The following PLPPR4 variants were observed in gnomAD, a reference collection of about 807,000 sequenced individuals.
PLPPR4 encodes the protein phospholipid phosphatase-related protein type 4.
A neutral mutation model predicts 56.6 loss-of-function variants in PLPPR4; 24 were observed. That is an observed-to-expected ratio of 0.42 (90% CI 0.31 to 0.60). The LOEUF (loss-of-function observed/expected upper bound fraction) is 0.60, where lower values mean the gene tolerates loss of function less well. PLPPR4 is among the 20% of genes least tolerant of loss of function. The pLI, the probability that PLPPR4 is intolerant of heterozygous loss-of-function variation, is 0.13. For synonymous variants in PLPPR4, 326 were observed against 328.1 expected, an observed-to-expected ratio of 0.99 and a Z score of 0.07; for missense variants, 654 against 885.8, an observed-to-expected ratio of 0.74 and a Z score of 3.32.
intron 1 of PLPPR4, among the ~76,000 whole-genome samples, chr1:99,276,137 C>T (rs1659180936): frequency 6.6e-6 from 1 of 152,122 alleles, no homozygotes; most frequent in Admixed American, 6.6e-5. Context: ...TAACTAAGGC[C>T]TTCAGCAGCA....
chr1:99,270,798 T>G (rs1659038264), intron 1 of PLPPR4, among the ~76,000 whole-genome samples: 1 of 152,248 alleles, frequency 6.6e-6, no homozygotes, highest in East Asian at 1.9e-4. Context: ...TTCTCTAGAT[T>G]GTATAGAAGT....
intron 1 of PLPPR4, among the ~76,000 whole-genome samples, chr1:99,273,654 T>C (rs1327056388): frequency 1.3e-5 from 2 of 152,130 alleles, no homozygotes; most frequent in African/African-American, 4.8e-5. Context: ...CAACAATTTA[T>C]TTATGTGTTG....
chr1:99,264,923 T>A (rs1658852320), intron 1 of PLPPR4, among the ~76,000 whole-genome samples: 1 of 152,106 alleles, frequency 6.6e-6, no homozygotes, highest in Non-Finnish European at 1.5e-5. Context: ...GATACCTGTG[T>A]GAGTGAGTGT....
At chr1:99,278,611 G>A (rs1308023773) in intron 1 of PLPPR4, among the ~76,000 whole-genome samples, 1 of 152,102 alleles carries the variant, frequency 6.6e-6, no homozygotes, top group African/African-American at 2.4e-5. Flanking sequence ...CCAAGACAAT[G>A]CACATTCTTC....
chr1:99,288,203 C>A, intron 2 of PLPPR4, 53 bp downstream of exon 2: 1 of 1,512,722 alleles, frequency 6.6e-7, no homozygotes, highest in Non-Finnish European at 9.0e-7. Flanking sequence ...CTAAAAATCA[C>A]CACATTTGTA....
At chr1:99,269,997 TTGTGTGTGTGTGTGTG>T (rs10612152) in intron 1 of PLPPR4, among the ~76,000 whole-genome samples, 256 of 134,562 alleles carry the variant, frequency 1.9e-3, no homozygotes, top group African/African-American at 6.1e-3. Flanking sequence ...TTCATTCCTT[TTGTGTGTGTGTGTGTG>T]TGTGTGTGTG....
At chr1:99,272,824 CA>C (rs766504796) in intron 1 of PLPPR4, among the ~76,000 whole-genome samples, 13 of 152,084 alleles carry the variant, frequency 8.5e-5, no homozygotes, top group Non-Finnish European at 1.6e-4. Flanking sequence ...ATTTTTCATA[CA>C]TTATCTCATC....
intron 1 of PLPPR4, among the ~76,000 whole-genome samples, chr1:99,279,121 G>A (rs1313355118): frequency 2.6e-5 from 4 of 152,048 alleles, no homozygotes; most frequent in Admixed American, 6.6e-5. Flanking sequence ...TGTATATTGG[G>A]GACACCTAGT....
In PLPPR4 at chr1:99,306,066, C is replaced by T; in HGVS notation, c.1204C>T (p.Gln402Ter). 6.2e-7 allele frequency: 1 copy of T among 1,614,132 alleles called. No homozygotes were observed. Among genetic ancestry groups the T allele is most frequent in the Non-Finnish European group, 8.5e-7 (1 of 1,180,020 alleles). ...CGCTCGATCAAAGCAGCTCCTCACC[C>T]AGTGGAAGAATAAGAATGAAAGTCG... ...DSARSKQLLT[Q>*]WKNKNESRKL... Residue 402 changes from glutamine (Q) to a stop codon, truncating the protein, a stop_gained, in exon 7 of 7, where the codon CAG becomes TAG. Coordinates refer to ENST00000370185, the MANE Select transcript of PLPPR4 (RefSeq NM_014839.5). LOFTEE classifies it high-confidence loss of function. This position sits in a 1 kb window ranked among gnomAD's most constrained non-coding sequence, Gnocchi z 4.0.
upstream of PLPPR4, chr1:99,264,363 G>T: frequency 8.6e-7 from 1 of 1,161,352 alleles, no homozygotes; most frequent in Non-Finnish European, 1.2e-6. Context: ...GGGAGCAGGA[G>T]CCAGACTAGG....
intron 2 of PLPPR4, among the ~76,000 whole-genome samples, chr1:99,296,334 G>A (rs558635499): frequency 1.3e-5 from 2 of 152,282 alleles, no homozygotes; most frequent in South Asian, 2.1e-4. Context: ...TATGGGTAGT[G>A]GCTACTGTAC....
intron 1 of PLPPR4, among the ~76,000 whole-genome samples, chr1:99,278,783 T>A (rs1659253516): frequency 6.6e-6 from 1 of 152,176 alleles, no homozygotes. Context: ...GTGATTGCAT[T>A]GGTCCTTTTA....
chr1:99,266,744 C>A (rs560598445), intron 1 of PLPPR4, among the ~76,000 whole-genome samples: 65 of 152,272 alleles, frequency 4.3e-4, no homozygotes, highest in African/African-American at 1.6e-3. Context: ...AATTGGATTG[C>A]AAATTATCTT....
chr1:99,270,000 T>TGC (rs1557772523), intron 1 of PLPPR4, among the ~76,000 whole-genome samples: 1 of 18,180 alleles, frequency 5.5e-5, no homozygotes, highest in Non-Finnish European at 1.5e-4. Flanking sequence ...ATTCCTTTTG[T>TGC]GTGTGTGTGT....
rs1412707255 is a variant in PLPPR4, at chr1:99,309,546, T to TA, written c.*2540dup. 1 of 152,620 alleles carries TA rather than the reference T, an allele frequency of 6.6e-6. No individual in the cohort carries two copies. Among genetic ancestry groups the TA allele is most frequent in the Non-Finnish European group, 1.5e-5 (1 of 68,016 alleles). The allele number at this position is 152,620 out of a possible 1,614,324, so 9.5% of individuals were successfully genotyped here. The stretch of plus-strand genomic sequence containing the variant: ...AAGCTATTGTGTGAGTATATTGTGC[T>TA]AAAATCATAGAAATAAAGATTAGAT... On this transcript the variant is annotated 3_prime_UTR_variant, in exon 7 of 7. Transcript: ENST00000370185.
In PLPPR4 at chr1:99,306,116, G is replaced by C; in HGVS notation, c.1254G>C (p.Glu418Asp). 6.2e-7 allele frequency: 1 copy of C among 1,614,090 alleles called. No homozygotes were observed. The highest frequency in any genetic ancestry group is 1.1e-5 in the South Asian group (1 of 91,068). The change falls in exon 7 of 7, where the codon GAG becomes GAC. Residue 418 changes from glutamate to aspartate, a missense_variant. Physicochemically the swap from Glu to Asp is conservative, Grantham distance 45. This residue lies in a region of PLPPR4 where 468 missense variants were observed against 554.3 expected (regional missense o/e 0.84). Transcript: ENST00000370185. The surrounding 1 kb of genome is among the most constrained non-coding windows in gnomAD (Gnocchi z 4.0). ...ESRKLSLQVI[E>D]PEPGQSPPRS... ...GAAAGTTGTCCTTGCAAGTTATAGA[G>C]CCTGAGCCTGGGCAGTCACCACCCA...
intron 6 of PLPPR4, among the ~76,000 whole-genome samples, chr1:99,302,953 A>G (rs1330808030): frequency 1.3e-5 from 2 of 151,890 alleles, no homozygotes; most frequent in African/African-American, 4.8e-5. Flanking sequence ...TTTGCTATTG[A>G]GATGTATTCT....
chr1:99,282,007 A>C (rs1659339767), intron 1 of PLPPR4, among the ~76,000 whole-genome samples: 1 of 152,180 alleles, frequency 6.6e-6, no homozygotes, highest in Non-Finnish European at 1.5e-5. Context: ...CCCAAAAGTG[A>C]GGATTTTGCT....
intron 1 of PLPPR4, among the ~76,000 whole-genome samples, chr1:99,267,897 A>G (rs1658945413): frequency 6.6e-6 from 1 of 152,264 alleles, no homozygotes. Flanking sequence ...TGTACTAACA[A>G]TAAAGCTAAA....
Sources: allele counts gnomAD v4.1 joint callset (sites outside exome capture counted in the v4.1 genomes callset), GRCh38; gene constraint gnomAD v4.1.1; regional missense constraint gnomAD v4.1.1; non-coding constraint Gnocchi (gnomAD v3.1); transcripts MANE v1.5; gene names NCBI Gene and HGNC (gene_info 2026-07-23, HGNC 2026-07-21).